The following CYFIP2 variants were observed in gnomAD, a reference collection of about 807,000 sequenced individuals.
CYFIP2 encodes the protein cytoplasmic FMR1-interacting protein 2.
Under a neutral mutation model 158.7 loss-of-function variants are expected in CYFIP2, and 29 were observed. The ratio of observed to expected loss-of-function variants is 0.18; its 90% CI spans 0.14 to 0.25. The LOEUF is 0.25. CYFIP2 is among the 10% of genes least tolerant of loss of function. CYFIP2 has a pLI of 1.00. For missense variants in CYFIP2, 852 were observed against 1,639.5 expected (o/e 0.52, Z 8.29); for synonymous variants, 585 against 617.6 (o/e 0.95, Z 0.78).
chr5:157,373,775 G>A (rs1404400264), intron 26 of CYFIP2, among the ~76,000 whole-genome samples: 4 of 152,142 alleles, frequency 2.6e-5, no homozygotes, highest in Non-Finnish European at 4.4e-5. Context: ...GAGAAGAACT[G>A]GGCAGTTCAA....
intron 26 of CYFIP2, chr5:157,364,211 G>GGGGGGGGGGGGGGGGGGGC: frequency 7.0e-6 from 1 of 143,402 alleles, no homozygotes; most frequent in African/African-American, 2.6e-5. Flanking sequence ...TGGCGGGGGG[G>GGGGGGGGGGGGGGGGGGGC]GGTGGGTCCC....
chr5:157,362,511 G>A (rs375460943), intron 26 of CYFIP2: 1 of 152,268 alleles, frequency 6.6e-6, no homozygotes, highest in African/African-American at 2.4e-5. Context: ...GGGCTAGCTA[G>A]GTGCCTGGAA....
At chr5:157,285,511 C>T in intron 2 of CYFIP2, 33 bp downstream of exon 2, 2 of 1,538,098 alleles carry the variant, frequency 1.3e-6, no homozygotes, top group Non-Finnish European at 1.8e-6. Context: ...CCAGGGGGCC[C>T]AGGAATTCTG....
chr5:157,306,270 C>T (rs768238896), intron 8 of CYFIP2, among the ~76,000 whole-genome samples: 2 of 152,184 alleles, frequency 1.3e-5, no homozygotes, highest in African/African-American at 2.4e-5. Context: ...ACTCTGGCTT[C>T]GTCCCAACAT....
intron 13 of CYFIP2, among the ~76,000 whole-genome samples, chr5:157,317,758 A>G (rs62389532): frequency 0.11 from 17,479 of 152,144 alleles, 1,516 homozygotes; most frequent in East Asian, 0.26. Flanking sequence ...TTTGTTTTCT[A>G]TGAGTCTATC....
intron 23 of CYFIP2, among the ~76,000 whole-genome samples, chr5:157,350,394 C>T (rs1005112139): frequency 1.3e-5 from 2 of 152,124 alleles, no homozygotes; most frequent in African/African-American, 2.4e-5. Flanking sequence ...GTCCTTTCCC[C>T]GCTTTATATT....
In CYFIP2 at chr5:157,332,822, T is replaced by C. The variant is rs1444405657; in HGVS notation, c.2266-505T>C. On this transcript the variant is annotated intron_variant, in intron 20 of 30. Transcript: ENST00000620254. Reference sequence around the variant, plus strand: ...ACCACACCTGGCTAATTTTTTTTATTTTTTGTAGAGACAGATTCTTACTGT... The same window carrying C: ...ACCACACCTGGCTAATTTTTTTTATCTTTTGTAGAGACAGATTCTTACTGT... Among the ~76,000 whole-genome samples, 3 of 152,176 alleles carry C rather than the reference T, an allele frequency of 2.0e-5. No individual in the cohort carries two copies. The South Asian group carries it at 6.2e-4, about 32-fold the overall frequency.
chr5:157,298,735 T>G (rs1056888694), intron 5 of CYFIP2, among the ~76,000 whole-genome samples: 1 of 152,134 alleles, frequency 6.6e-6, no homozygotes, highest in African/African-American at 2.4e-5. Context: ...CTCCCCAGTC[T>G]CAGCCCGAGG....
chr5:157,303,749 T>G (rs1243998969), intron 7 of CYFIP2, among the ~76,000 whole-genome samples: 2 of 151,936 alleles, frequency 1.3e-5, no homozygotes, highest in Non-Finnish European at 2.9e-5. Flanking sequence ...GGGCCTAGGG[T>G]GGGGACCTCA....
intron 29 of CYFIP2, among the ~76,000 whole-genome samples, chr5:157,389,950 GACTCT>G (rs915595159): frequency 3.5e-4 from 54 of 152,320 alleles, no homozygotes; most frequent in African/African-American, 1.3e-3. Flanking sequence ...GCCAAAGGAT[GACTCT>G]ACTGCCATCC....
chr5:157,282,798 A>G (rs1757088947), intron 1 of CYFIP2, among the ~76,000 whole-genome samples: 1 of 152,196 alleles, frequency 6.6e-6, no homozygotes, highest in South Asian at 2.1e-4. Context: ...AGTCGATCTA[A>G]TCAGTGAGAA....
chr5:157,309,240 C>T (rs1759503073), intron 9 of CYFIP2, among the ~76,000 whole-genome samples: 1 of 152,204 alleles, frequency 6.6e-6, no homozygotes, highest in African/African-American at 2.4e-5. Context: ...ATACCAGCCT[C>T]CCCGCCATTT....
chr5:157,389,726 A>C, intron 29 of CYFIP2: 2 of 265,748 alleles, frequency 7.5e-6, no homozygotes, highest in Non-Finnish European at 7.1e-6. Context: ...ACCCAGCTAC[A>C]TGTCTAGGAC....
chr5:157,314,297 A>G (rs1353823468), intron 11 of CYFIP2, 47 bp from the exon 12 acceptor site: 10 of 1,593,676 alleles, frequency 6.3e-6, no homozygotes, highest in Non-Finnish European at 7.7e-6. Context: ...TAACATATAA[A>G]AGTGTCAGGC....
chr5:157,346,621 T>G (rs1266934641), intron 23 of CYFIP2, among the ~76,000 whole-genome samples: 1 of 152,196 alleles, frequency 6.6e-6, no homozygotes, highest in Non-Finnish European at 1.5e-5. Context: ...GAGCCTTGAT[T>G]TCAGGCTTCT....
chr5:157,372,621 A>T (rs1368356814), intron 26 of CYFIP2, among the ~76,000 whole-genome samples: 1 of 152,174 alleles, frequency 6.6e-6, no homozygotes, highest in Non-Finnish European at 1.5e-5. Context: ...TCTTGGTAAC[A>T]TATATCCCGG....
intron 4 of CYFIP2, among the ~76,000 whole-genome samples, chr5:157,296,153 T>G (rs984030225): frequency 8.5e-5 from 13 of 152,202 alleles, no homozygotes; most frequent in African/African-American, 3.1e-4. Context: ...GACCAACTGG[T>G]TCCTTTCCTG....
At chr5:157,339,930 C>T (rs991437313) in intron 22 of CYFIP2, among the ~76,000 whole-genome samples, 15 of 152,160 alleles carry the variant, frequency 9.9e-5, no homozygotes, top group Admixed American at 9.8e-4. Flanking sequence ...CTCTACAGGC[C>T]AGGGCAGGAT....
intron 19 of CYFIP2, among the ~76,000 whole-genome samples, chr5:157,328,386 G>A (rs889384051): frequency 3.9e-5 from 6 of 152,210 alleles, no homozygotes; most frequent in African/African-American, 1.4e-4. Flanking sequence ...GCCATCTTGC[G>A]GAAGTGGCAT....
Sources: gnomAD v4.1 joint callset for allele counts (sites outside exome capture counted in the v4.1 genomes callset) on GRCh38, gnomAD v4.1.1 for gene constraint, MANE v1.5 for transcripts, NCBI Gene and HGNC (gene_info 2026-07-23, HGNC 2026-07-21) for gene names.